The following BCL2 variants were observed in gnomAD, a reference collection of about 807,000 sequenced individuals.
BCL2 encodes apoptosis regulator Bcl-2.
BCL2 carries 1 observed loss-of-function variant against 14.2 expected under a neutral mutation model. The ratio of observed to expected loss-of-function variants is 0.07; its 90% CI spans 0.02 to 0.33. BCL2 has a LOEUF of 0.33. Ranked by LOEUF, BCL2 falls within the 10% of genes least tolerant of loss-of-function variation. BCL2 has a pLI of 0.99. For missense variants in BCL2, 247 were observed against 305.9 expected (o/e 0.81, Z 1.44); for synonymous variants, 151 against 137.2 (o/e 1.10, Z -0.70).
At chr18:63,248,146 C>A (rs527236964) in intron 2 of BCL2, among the ~76,000 whole-genome samples, 1 of 152,136 alleles carries the variant, frequency 6.6e-6, no homozygotes, top group African/African-American at 2.4e-5. Flanking sequence ...GTCAGAGAAA[C>A]GCTACTCACA....
chr18:63,200,850 T>C (rs1456141985), intron 2 of BCL2, among the ~76,000 whole-genome samples: 5 of 152,164 alleles, frequency 3.3e-5, no homozygotes, highest in Non-Finnish European at 7.3e-5. Context: ...CTTGAACTCC[T>C]GGGCTCAAGT....
chr18:63,296,737 G>T (rs1315009884), intron 2 of BCL2, among the ~76,000 whole-genome samples: 1 of 152,186 alleles, frequency 6.6e-6, no homozygotes, highest in Non-Finnish European at 1.5e-5. Flanking sequence ...CTGACAATGG[G>T]AGCCACAAGA....
At chr18:63,151,748 G>T (rs1023727556) in intron 2 of BCL2, among the ~76,000 whole-genome samples, 9 of 152,128 alleles carry the variant, frequency 5.9e-5, no homozygotes, top group African/African-American at 1.9e-4. Flanking sequence ...CTCTTAATGC[G>T]ATGTGAGTCC....
intron 2 of BCL2, among the ~76,000 whole-genome samples, chr18:63,170,946 A>G (rs560239724): frequency 3.3e-5 from 5 of 152,348 alleles, no homozygotes; most frequent in African/African-American, 1.2e-4. Flanking sequence ...GGTAGACGCC[A>G]ATGTTTTCTT....
At chr18:63,218,735 A>C in intron 2 of BCL2, among the ~76,000 whole-genome samples, 11 of 34,408 alleles carry the variant, frequency 3.2e-4, no homozygotes, top group African/African-American at 5.6e-4. Context: ...CCCATCCTCC[A>C]CTCATCTCCA....
intron 2 of BCL2, among the ~76,000 whole-genome samples, chr18:63,301,502 A>G (rs769936171): frequency 1.3e-5 from 2 of 152,266 alleles, no homozygotes; most frequent in Non-Finnish European, 2.9e-5. Context: ...TCTTATGAGC[A>G]ATGGGTATGA....
chr18:63,276,324 T>A (rs1318791208), intron 2 of BCL2, among the ~76,000 whole-genome samples: 1 of 150,448 alleles, frequency 6.6e-6, no homozygotes, highest in Non-Finnish European at 1.5e-5. Flanking sequence ...TCTCATTACA[T>A]GCAAACAAAA....
intron 2 of BCL2, among the ~76,000 whole-genome samples, chr18:63,297,919 A>C (rs983880049): frequency 6.6e-6 from 1 of 152,096 alleles, no homozygotes; most frequent in Non-Finnish European, 1.5e-5. Flanking sequence ...ACAGATGAGC[A>C]CGTGTCCCTG....
At chr18:63,286,438 G>A (rs180806204) in intron 2 of BCL2, among the ~76,000 whole-genome samples, 9 of 152,316 alleles carry the variant, frequency 5.9e-5, no homozygotes, top group African/African-American at 2.2e-4. Context: ...TTCATTGAAG[G>A]GGAGGCAGGA....
At chr18:63,217,883 A>T (rs1910248874) in intron 2 of BCL2, among the ~76,000 whole-genome samples, 1 of 152,196 alleles carries the variant, frequency 6.6e-6, no homozygotes, top group African/African-American at 2.4e-5. Context: ...TTTAAGCAAA[A>T]TGGCAAACAA....
chr18:63,148,178 G>A (rs1327217231), intron 2 of BCL2, among the ~76,000 whole-genome samples: 2 of 152,134 alleles, frequency 1.3e-5, no homozygotes, highest in African/African-American at 2.4e-5. Context: ...TATGAAGAAC[G>A]AGGAATGAGG....
intron 2 of BCL2, among the ~76,000 whole-genome samples, chr18:63,229,741 T>C (rs1447797915): frequency 6.6e-6 from 1 of 152,212 alleles, no homozygotes; most frequent in African/African-American, 2.4e-5. Context: ...AAACCTCTTT[T>C]GTTTATAAAT....
intron 2 of BCL2, among the ~76,000 whole-genome samples, chr18:63,167,607 T>A (rs1343060629): frequency 6.6e-6 from 1 of 151,884 alleles, no homozygotes; most frequent in Non-Finnish European, 1.5e-5. Context: ...TAGCAAGACC[T>A]CCATCTCTAC....
intron 2 of BCL2, among the ~76,000 whole-genome samples, chr18:63,227,625 G>A (rs944911974): frequency 2.0e-5 from 3 of 152,148 alleles, no homozygotes; most frequent in Non-Finnish European, 4.4e-5. Context: ...TTTAATGTGA[G>A]GCAGAATAAG....
intron 2 of BCL2, among the ~76,000 whole-genome samples, chr18:63,211,318 A>G (rs1265104484): frequency 6.6e-6 from 1 of 151,878 alleles, no homozygotes; most frequent in Non-Finnish European, 1.5e-5. Context: ...TCAGCCTCCC[A>G]AGGTGCTGGG....
intron 2 of BCL2, among the ~76,000 whole-genome samples, chr18:63,226,639 AT>A (rs905445583): frequency 6.6e-6 from 1 of 151,938 alleles, no homozygotes; most frequent in South Asian, 2.1e-4. Context: ...GTATGATTGG[AT>A]TTTTTTTGCA....
chr18:63,174,888 C>T (rs1186059713), intron 2 of BCL2, among the ~76,000 whole-genome samples: 1 of 151,822 alleles, frequency 6.6e-6, no homozygotes, highest in African/African-American at 2.4e-5. Flanking sequence ...GTCATCTCCC[C>T]CAAAACACTA....
At chr18:63,164,572 A>G (rs1299805674) in intron 2 of BCL2, among the ~76,000 whole-genome samples, 1 of 152,216 alleles carries the variant, frequency 6.6e-6, no homozygotes, top group Non-Finnish European at 1.5e-5. Context: ...AATGTAGTCA[A>G]GCTCTTCAGC....
At chr18:63,212,652 G>A (rs762552414) in intron 2 of BCL2, among the ~76,000 whole-genome samples, 75 of 152,178 alleles carry the variant, frequency 4.9e-4, no homozygotes, top group South Asian at 2.5e-3. Context: ...CCAGGCGGGC[G>A]GATCACGAGG....
Sources: gnomAD v4.1 joint callset for allele counts (sites outside exome capture counted in the v4.1 genomes callset) on GRCh38, gnomAD v4.1.1 for gene constraint, MANE v1.5 for transcripts, NCBI Gene and HGNC (gene_info 2026-07-23, HGNC 2026-07-21) for gene names.